Variants in UTS2 observed in about 807,000 individuals in gnomAD.
The protein encoded by UTS2 is urotensin 2, also known as urotensin-2.
In UTS2, 10 loss-of-function variants were observed where a neutral mutation model predicts 12.6. The ratio of observed to expected loss-of-function variants is 0.80; its 90% CI spans 0.49 to 1.35. The LOEUF is 1.35. Among genes scored for constraint, UTS2 ranks in the 40% most tolerant of loss-of-function variants. The pLI is 0.00. For synonymous variants in UTS2, 52 were observed against 50.0 expected (o/e 1.04, Z -0.17); for missense variants, 142 against 143.2 (o/e 0.99, Z 0.04).
At chr1:7,906,449 G>GAGAGAGAAAGAAAGAA in the UTS2 span, among the ~76,000 whole-genome samples, 29 of 73,276 alleles carry the variant, frequency 4.0e-4, no homozygotes, top group Admixed American at 5.1e-4. Flanking sequence ...GAAAGAAAAA[G>GAGAGAGAAAGAAAGAA]AGAAAGAAAG....
chr1:7,853,160 G>A (rs1489139747), upstream of UTS2: 27 of 1,489,430 alleles, frequency 1.8e-5, no homozygotes, highest in Non-Finnish European at 2.4e-5. Flanking sequence ...TGGCTATGGA[G>A]GCTAAAAGGC....
At chr1:7,897,371 T>G in the UTS2 span, among the ~76,000 whole-genome samples, 1 of 152,138 alleles carries the variant, frequency 6.6e-6, no homozygotes, top group East Asian at 1.9e-4. Context: ...ACTGGGCTAT[T>G]CTTCACCCTT....
chr1:7,889,178 C>T, the UTS2 span, among the ~76,000 whole-genome samples: 1 of 145,330 alleles, frequency 6.9e-6, no homozygotes, highest in Non-Finnish European at 1.5e-5. Context: ...AATCCCAGCA[C>T]TTTGGGAGGC....
chr1:7,893,973 G>A, the UTS2 span, among the ~76,000 whole-genome samples: 17,657 of 152,096 alleles, frequency 0.12, 1,332 homozygotes, highest in South Asian at 0.21. Flanking sequence ...GAGAGAATTC[G>A]GGTCTGGCTG....
upstream of UTS2, chr1:7,853,529 G>A (rs902390629): frequency 6.7e-7 from 1 of 1,491,262 alleles, no homozygotes; most frequent in Non-Finnish European, 9.0e-7. Flanking sequence ...CGTAAAACCA[G>A]CTATTTCCTT....
chr1:7,851,523 T>C (rs2151383058), intron 1 of UTS2, among the ~76,000 whole-genome samples: 1 of 152,148 alleles, frequency 6.6e-6, no homozygotes, highest in Non-Finnish European at 1.5e-5. Context: ...GCTTAAGGTG[T>C]GTGGAAAGGG....
the UTS2 span, among the ~76,000 whole-genome samples, chr1:7,877,254 C>T: frequency 6.6e-6 from 1 of 151,680 alleles, no homozygotes; most frequent in Admixed American, 6.6e-5. Context: ...CAACAGACTC[C>T]AATGAAAAAG....
At chr1:7,879,087 G>A in the UTS2 span, among the ~76,000 whole-genome samples, 1 of 152,130 alleles carries the variant, frequency 6.6e-6, no homozygotes, top group Non-Finnish European at 1.5e-5. Flanking sequence ...CCCACTCTCA[G>A]CACTAGACAG....
the UTS2 span, among the ~76,000 whole-genome samples, chr1:7,912,059 C>T: frequency 6.6e-6 from 1 of 152,178 alleles, no homozygotes; most frequent in African/African-American, 2.4e-5. Flanking sequence ...ATCTTATCTC[C>T]CTGATCTGGG....
chr1:7,888,569 A>C, the UTS2 span, among the ~76,000 whole-genome samples: 3 of 152,156 alleles, frequency 2.0e-5, no homozygotes, highest in Non-Finnish European at 4.4e-5. Flanking sequence ...TGTCTGCAGG[A>C]GCCAACTTGA....
the UTS2 span, among the ~76,000 whole-genome samples, chr1:7,867,790 C>T: frequency 0.15 from 22,959 of 152,014 alleles, 1,921 homozygotes; most frequent in Middle Eastern, 0.27. Flanking sequence ...GCAGGAGAAT[C>T]GCTTGAACCC....
chr1:7,867,386 G>A, the UTS2 span, among the ~76,000 whole-genome samples: 2 of 152,092 alleles, frequency 1.3e-5, no homozygotes, highest in Non-Finnish European at 2.9e-5. Context: ...GATAAAAATG[G>A]GGTCAATCAT....
chr1:7,864,730 A>G, the UTS2 span, among the ~76,000 whole-genome samples: 1 of 152,214 alleles, frequency 6.6e-6, no homozygotes, highest in Non-Finnish European at 1.5e-5. Flanking sequence ...GGTAAGTATC[A>G]GTACCCCCTG....
At chr1:7,909,631 T>A in the UTS2 span, among the ~76,000 whole-genome samples, 1,449 of 151,930 alleles carry the variant, frequency 9.5e-3, 16 homozygotes, top group African/African-American at 0.028. Context: ...TATTTTATAT[T>A]TTTTTTTGAG....
At chr1:7,892,596 G>A in the UTS2 span, among the ~76,000 whole-genome samples, 2 of 148,612 alleles carry the variant, frequency 1.3e-5, no homozygotes, top group African/African-American at 2.5e-5. Flanking sequence ...TCCTGCCTCA[G>A]CCTCCTGAGT....
At chr1:7,867,358 CT>C in the UTS2 span, among the ~76,000 whole-genome samples, 1 of 152,068 alleles carries the variant, frequency 6.6e-6, no homozygotes, top group Admixed American at 6.6e-5. Context: ...GAGAGAGGGC[CT>C]TTAAGGACAT....
chr1:7,853,877 G>C (rs1428387610), upstream of UTS2, among the ~76,000 whole-genome samples: 1 of 152,236 alleles, frequency 6.6e-6, no homozygotes, highest in African/African-American at 2.4e-5. Context: ...AGAAGCATCT[G>C]CATAAGTCAG....
chr1:7,898,515 G>A, the UTS2 span, among the ~76,000 whole-genome samples: 48 of 151,366 alleles, frequency 3.2e-4, no homozygotes, highest in Admixed American at 9.2e-4. Context: ...TCACTCTGTC[G>A]CCCAGGCTGG....
At chr1:7,880,992 G>A in the UTS2 span, among the ~76,000 whole-genome samples, 13 of 152,134 alleles carry the variant, frequency 8.5e-5, no homozygotes, top group South Asian at 4.1e-4. Flanking sequence ...CAAAGATGGC[G>A]CAACATACAA....
Sources: allele counts gnomAD v4.1 joint callset (sites outside exome capture counted in the v4.1 genomes callset), GRCh38; gene constraint gnomAD v4.1.1; transcripts MANE v1.5; gene names NCBI Gene and HGNC (gene_info 2026-07-23, HGNC 2026-07-21).